AEBP2: variants seen among roughly 807,000 people sequenced by gnomAD.
AEBP2 encodes the protein zinc finger protein AEBP2.
Under a neutral mutation model 50.8 loss-of-function variants are expected in AEBP2, and 10 were observed. The ratio of observed to expected loss-of-function variants is 0.20; its 90% CI spans 0.12 to 0.33. The LOEUF is 0.33. Among genes scored for constraint, AEBP2 ranks in the 10% least tolerant of loss-of-function variants. The pLI is 1.00. For synonymous variants in AEBP2, 296 were observed against 261.3 expected (o/e 1.13, Z -1.28); for missense variants, 570 against 688.0 (o/e 0.83, Z 1.92).
intron 1 of AEBP2, among the ~76,000 whole-genome samples, chr12:19,441,239 G>A (rs900344620): frequency 1.5e-4 from 23 of 152,160 alleles, no homozygotes; most frequent in African/African-American, 5.3e-4. Context: ...AAGCTTGTTA[G>A]AAGTAACTGG....
chr12:19,405,467 A>G (rs561569616), intron 1 of AEBP2, among the ~76,000 whole-genome samples: 5 of 151,812 alleles, frequency 3.3e-5, no homozygotes, highest in African/African-American at 1.2e-4. Flanking sequence ...TGGGACTGAC[A>G]GGCATGTACC....
intron 1 of AEBP2, among the ~76,000 whole-genome samples, chr12:19,407,725 C>A (rs2095737072): frequency 1.3e-5 from 2 of 152,140 alleles, no homozygotes; most frequent in Non-Finnish European, 1.5e-5. Context: ...AGGTGTGAGC[C>A]ACTGAGCCCA....
chr12:19,450,842 CAA>C (rs140232330), intron 1 of AEBP2, among the ~76,000 whole-genome samples: 1 of 137,084 alleles, frequency 7.3e-6, no homozygotes, highest in Admixed American at 7.4e-5. Flanking sequence ...GACATTGTCT[CAA>C]AAAAAAAAAG....
chr12:19,493,944 A>C lies in AEBP2; in HGVS notation c.1132A>C (p.Asn378His). ...AGAATCTCCTTCTAAAGCTGGAATG[A>C]ACAAAAGGAGGAAATTAAAGAACAA... ...KEESPSKAGM[N>H]KRRKLKNKRR... The change falls in exon 4 of 8, where the codon AAC becomes CAC. Residue 378 changes from asparagine to histidine, a missense_variant. Physicochemically the swap from Asn to His is moderately conservative, Grantham distance 68. Around this residue, in one of 2 missense-constraint regions of AEBP2, gnomAD observed 184 missense variants for 351.2 expected, o/e 0.52. Coordinates refer to ENST00000266508, the MANE Select transcript of AEBP2 (RefSeq NM_153207.5). 2 of 1,612,718 alleles carry C rather than the reference A, an allele frequency of 1.2e-6. No individual in the cohort carries two copies. The highest frequency in any genetic ancestry group is 1.7e-6 in the Non-Finnish European group (2 of 1,179,276).
intron 1 of AEBP2, among the ~76,000 whole-genome samples, chr12:19,416,655 G>C (rs1388162579): frequency 6.9e-6 from 1 of 145,010 alleles, no homozygotes; most frequent in Non-Finnish European, 1.5e-5. Flanking sequence ...ACAGAGTCTC[G>C]TTCTGTCGCT....
chr12:19,464,499 G>A (rs1011081755), intron 2 of AEBP2, among the ~76,000 whole-genome samples: 1 of 152,086 alleles, frequency 6.6e-6, no homozygotes, highest in Non-Finnish European at 1.5e-5. Context: ...CATACAACCT[G>A]ATGAGAATTT....
rs909467738 is a variant in AEBP2, at chr12:19,497,955, G to A, written c.1175-2142G>A. 9.9e-5 allele frequency among the ~76,000 whole-genome samples: 15 copies of A among 152,250 alleles called. No homozygotes were observed. The South Asian group carries it at 3.1e-3, about 31-fold the overall frequency. On this transcript the variant is annotated intron_variant, in intron 4 of 7. Transcript: ENST00000266508. ...TTAACAAGGGTATTCTATTCTTTAC[G>A]TACTCTAATGGATCATGACACACAC...
chr12:19,425,186 T>G (rs1002195443), intron 1 of AEBP2, among the ~76,000 whole-genome samples: 1 of 152,144 alleles, frequency 6.6e-6, no homozygotes, highest in African/African-American at 2.4e-5. Flanking sequence ...ATGTTGAAGG[T>G]GGGTCAACGA....
Position 19,506,914 on chromosome 12 carries a change from G to A in AEBP2, c.1300-5484G>A, listed in dbSNP as rs549836641. ...AAGGCTTTTTGGCCTGGGCAGCTCC[G>A]TGGCAGAGCCGTGGAGGCTCTCAGG... On this transcript the variant is annotated intron_variant, in intron 5 of 7. Coordinates refer to ENST00000266508, the MANE Select transcript of AEBP2 (RefSeq NM_153207.5). 3.3e-4 allele frequency among the ~76,000 whole-genome samples: 50 copies of A among 152,218 alleles called. 1 individual carries two copies. Among genetic ancestry groups the A allele is most frequent in the Admixed American group, 1.8e-3 (28 of 15,290 alleles).
intron 1 of AEBP2, among the ~76,000 whole-genome samples, chr12:19,448,596 A>G (rs1447618804): frequency 1.3e-5 from 2 of 152,182 alleles, no homozygotes; most frequent in Admixed American, 6.5e-5. Context: ...GTTGAATTCA[A>G]CTTAATGTGG....
intron 1 of AEBP2, among the ~76,000 whole-genome samples, chr12:19,424,470 C>A (rs1479423257): frequency 2.0e-5 from 3 of 151,956 alleles, no homozygotes; most frequent in Middle Eastern, 3.4e-3. Context: ...GATCTCGGCT[C>A]ACTGCAAGCT....
At chr12:19,449,149 C>T (rs1948124335) in intron 1 of AEBP2, among the ~76,000 whole-genome samples, 1 of 152,128 alleles carries the variant, frequency 6.6e-6, no homozygotes, top group South Asian at 2.1e-4. Flanking sequence ...CTGAAATCAT[C>T]TGATATTTTT....
At chr12:19,424,040 A>T (rs1309999183) in intron 1 of AEBP2, among the ~76,000 whole-genome samples, 1 of 152,210 alleles carries the variant, frequency 6.6e-6, no homozygotes, top group African/African-American at 2.4e-5. Context: ...AGAGATCAGC[A>T]TCATGAGAAT....
At chr12:19,469,737 G>C (rs1470780151) in intron 2 of AEBP2, among the ~76,000 whole-genome samples, 1 of 152,140 alleles carries the variant, frequency 6.6e-6, no homozygotes, top group Non-Finnish European at 1.5e-5. Flanking sequence ...ACAAGTCACT[G>C]TGCTCAGCAG....
Position 19,440,008 on chromosome 12 carries a change from CGAG to C in AEBP2, c.318_320del (p.Glu107del), listed in dbSNP as rs1316377401. On this transcript the variant is annotated inframe_deletion, in exon 1 of 8. Coordinates refer to ENST00000266508, the MANE Select transcript of AEBP2 (RefSeq NM_153207.5). ...AGGACGAAGACGAGGAGGAGGACGA[CGAG>C]GAGGAGGAAGATGAGAGCAGCAGCA... is the stretch of plus-strand genomic sequence containing the variant. 3 of 1,520,030 alleles carry C rather than the reference CGAG, an allele frequency of 2.0e-6. No homozygotes were observed. Among genetic ancestry groups the C allele is most frequent in the African/African-American group, 2.9e-5 (2 of 69,330 alleles). 94.2% of individuals were successfully genotyped at this position (1,520,030 alleles called of 1,614,324 possible).
chr12:19,503,955 C>G (rs1949119082), intron 5 of AEBP2, among the ~76,000 whole-genome samples: 1 of 151,990 alleles, frequency 6.6e-6, no homozygotes, highest in Non-Finnish European at 1.5e-5. Context: ...CCTCAGTCTT[C>G]TGAGTAGCTG....
At chr12:19,466,318 T>C (rs1337115674) in intron 2 of AEBP2, among the ~76,000 whole-genome samples, 1 of 152,054 alleles carries the variant, frequency 6.6e-6, no homozygotes, top group Non-Finnish European at 1.5e-5. Flanking sequence ...TAGCTGGGTG[T>C]AGTGGCACAC....
intron 1 of AEBP2, among the ~76,000 whole-genome samples, chr12:19,418,722 A>T (rs562208862): frequency 6.6e-6 from 1 of 152,082 alleles, no homozygotes; most frequent in Non-Finnish European, 1.5e-5. Context: ...CTGTAACCCA[A>T]CTACCTTGGG....
At position 19,452,583 on chromosome 12, in the gene AEBP2, C is replaced by A. The variant is rs148405491; in HGVS notation, c.672-9927C>A. 2.8e-4 allele frequency among the ~76,000 whole-genome samples: 43 copies of A among 152,008 alleles called. 1 individual carries two copies. The East Asian group carries it at 7.7e-3, about 27-fold the overall frequency. ...TTAACTTTTAATCCCTTTGTCAAGC[C>A]TAGACTAAATATTAGGGCAAATAAT... On this transcript the variant is annotated intron_variant, in intron 1 of 7. Transcript: ENST00000266508.
Sources: allele counts gnomAD v4.1 joint callset (sites outside exome capture counted in the v4.1 genomes callset), GRCh38; gene constraint gnomAD v4.1.1; regional missense constraint gnomAD v4.1.1; transcripts MANE v1.5; gene names NCBI Gene and HGNC (gene_info 2026-07-23, HGNC 2026-07-21).